CSMD2: variants seen among roughly 807,000 people sequenced by gnomAD.
CSMD2 encodes CUB and Sushi multiple domains 2.
Under a neutral mutation model 398.5 loss-of-function variants are expected in CSMD2, and 130 were observed. The observed-to-expected ratio is 0.33, with a 90% CI of 0.28 to 0.38. The LOEUF is 0.38. Among genes scored for constraint, CSMD2 ranks in the 10% least tolerant of loss-of-function variants. The pLI, the probability that CSMD2 is intolerant of heterozygous loss-of-function variation, is 1.00. For synonymous variants in CSMD2, 1,828 were observed against 1,908.5 expected (o/e 0.96, Z 1.10); for missense variants, 3,829 against 4,764.9 (o/e 0.80, Z 5.78).
intron 48 of CSMD2, among the ~76,000 whole-genome samples, chr1:33,579,264 G>A (rs974043851): frequency 5.3e-5 from 8 of 152,202 alleles, no homozygotes; most frequent in Non-Finnish European, 1.0e-4. Context: ...TCAGCCCTAA[G>A]AGGCACCTTA....
rs1380461895 is a variant in CSMD2 at position 33,760,022 on chromosome 1, T to C, written c.1846+12547A>G. ...AGCTCATTGGTAGGGGTCTGATGAT[T>C]GCTAAGTTCTTGCCCTCTATGGCTG... On this transcript the variant is annotated intron_variant, in intron 13 of 70. Coordinates refer to ENST00000373381, the MANE Select transcript of CSMD2 (RefSeq NM_001281956.2). Among the ~76,000 whole-genome samples the C allele has an allele frequency of 5.9e-5, 9 of 152,238 alleles. No individual in the cohort carries two copies. In the South Asian group the frequency reaches 1.7e-3, roughly 28 times the overall value.
chr1:33,806,322 T>C (rs1230586270), intron 10 of CSMD2, among the ~76,000 whole-genome samples: 1 of 152,180 alleles, frequency 6.6e-6, no homozygotes. Flanking sequence ...TCACATGGGT[T>C]TGCAGCCTTC....
Position 33,567,699 on chromosome 1 carries a change from C to A in CSMD2, c.8274G>T (p.Arg2758=). 1 of 1,614,102 alleles carries A rather than the reference C, an allele frequency of 6.2e-7. No individual in the cohort carries two copies. Among genetic ancestry groups the A allele is most frequent in the Non-Finnish European group, 8.5e-7 (1 of 1,180,022 alleles). Residue 2758 remains arginine (R), a synonymous_variant, in exon 53 of 71, where the codon CGG becomes CGT. Transcript: ENST00000373381. ...CATTGCATTGGTACACCACACTGCCCCGGTAGCTGTAGTTCTCCCCATTGA... is the reference window on the plus strand; with the variant it reads ...CATTGCATTGGTACACCACACTGCCACGGTAGCTGTAGTTCTCCCCATTGA... ...GHINGENYSY[R]GSVVYQCNAG...
intron 5 of CSMD2, among the ~76,000 whole-genome samples, chr1:33,881,061 C>T (rs771634341): frequency 1.6e-4 from 25 of 152,284 alleles, no homozygotes; most frequent in Non-Finnish European, 4.4e-5. Context: ...TTAATGACCT[C>T]GCTGGTAGGG....
Position 33,572,688 on chromosome 1 carries a change from A to G in CSMD2, c.7580T>C (p.Leu2527Pro). ...GGGGGCCTCAGGAAGCCCACAGGAAAGAGCTAGCAAAAGGAAAACAATGTC... is the reference window on the plus strand; with the variant it reads ...GGGGGCCTCAGGAAGCCCACAGGAAGGAGCTAGCAAAAGGAAAACAATGTC... ...WSEAIPLCQA[L>P]SCGLPEAPKN... Residue 2527 changes from leucine (L) to proline (P), a missense_variant, in exon 50 of 71, where the codon CTT becomes CCT. By Grantham distance (98) the Leu-to-Pro change is moderately conservative (BLOSUM62 -3). Transcript: ENST00000373381. The G allele has an allele frequency of 3.1e-6, 5 of 1,605,178 alleles. No individual in the cohort carries two copies. Among genetic ancestry groups the G allele is most frequent in the Non-Finnish European group, 4.3e-6 (5 of 1,173,718 alleles).
At chr1:33,887,300 A>G (rs960749981) in intron 5 of CSMD2, among the ~76,000 whole-genome samples, 1 of 152,182 alleles carries the variant, frequency 6.6e-6, no homozygotes. Flanking sequence ...TTTATAACAT[A>G]AACAACGAGG....
chr1:34,122,144 T>C (rs1196824321), intron 1 of CSMD2, among the ~76,000 whole-genome samples: 1 of 152,030 alleles, frequency 6.6e-6, no homozygotes, highest in Non-Finnish European at 1.5e-5. Context: ...CTGGAGACAT[T>C]TTTAATTATC....
intron 3 of CSMD2, among the ~76,000 whole-genome samples, chr1:34,002,443 C>T (rs547221261): frequency 8.1e-4 from 123 of 152,318 alleles, no homozygotes; most frequent in African/African-American, 2.8e-3. Flanking sequence ...TATTACTCTC[C>T]TGGTGCCTCA....
chr1:33,829,664 G>A (rs1437487806), intron 6 of CSMD2, among the ~76,000 whole-genome samples: 1 of 152,214 alleles, frequency 6.6e-6, no homozygotes, highest in Non-Finnish European at 1.5e-5. Context: ...GCGCAGGACA[G>A]TGGGTGCAGC....
At chr1:34,130,448 A>G (rs1263903660) in intron 1 of CSMD2, among the ~76,000 whole-genome samples, 1 of 150,732 alleles carries the variant, frequency 6.6e-6, no homozygotes, top group Non-Finnish European at 1.5e-5. Context: ...AGGCAAGTAC[A>G]CCTGGGGTAT....
chr1:33,694,128 C>T (rs1043040179), intron 24 of CSMD2, among the ~76,000 whole-genome samples: 7 of 152,142 alleles, frequency 4.6e-5, no homozygotes, highest in South Asian at 4.1e-4. Flanking sequence ...TATAGATGAA[C>T]GCTGAAAACA....
At position 33,605,167 on chromosome 1, in the gene CSMD2, C is replaced by A. The variant is rs544440339; in HGVS notation, c.6532+115G>T. The stretch of plus-strand genomic sequence containing the variant: ...GAAAACAGGATGGACCACAGTTTGC[C>A]TGGACCTCCAGCCCTGGAGATCCCA... On this transcript the variant is annotated intron_variant, in intron 42 of 70. Transcript: ENST00000373381. 2.2e-4 allele frequency: 227 copies of A among 1,018,330 alleles called. 1 individual carries two copies. The highest frequency in any genetic ancestry group is 2.9e-4 in the Non-Finnish European group (201 of 691,284). The allele number at this position is 1,018,330 out of a possible 1,614,324, so 63.1% of individuals were successfully genotyped here. A position where few individuals can be genotyped will look rare whatever the true frequency, so the allele number is the denominator to read the frequency against.
At chr1:33,739,355 G>C (rs769638021) in intron 14 of CSMD2, 21 bp from the exon 15 acceptor site, 2 of 1,584,424 alleles carry the variant, frequency 1.3e-6, no homozygotes, top group South Asian at 2.3e-5. Flanking sequence ...GGAGTTCAAG[G>C]ACATGATCAG....
chr1:33,981,290 C>T (rs1646157516), intron 3 of CSMD2, among the ~76,000 whole-genome samples: 2 of 152,170 alleles, frequency 1.3e-5, no homozygotes, highest in Admixed American at 6.5e-5. Context: ...CAGTCACAGC[C>T]CCAGCTGTTC....
At chr1:33,609,353 A>G (rs1223250466) in intron 41 of CSMD2, among the ~76,000 whole-genome samples, 1 of 152,222 alleles carries the variant, frequency 6.6e-6, no homozygotes, top group Non-Finnish European at 1.5e-5. Flanking sequence ...GAGGAGCTCC[A>G]TCCCCACCAT....
intron 2 of CSMD2, among the ~76,000 whole-genome samples, chr1:34,063,775 C>G (rs368578956): frequency 1.8e-4 from 28 of 152,318 alleles, no homozygotes; most frequent in African/African-American, 6.5e-4. Context: ...ATGGGTGCTC[C>G]GATCCCACAT....
intron 25 of CSMD2, among the ~76,000 whole-genome samples, chr1:33,671,779 G>C (rs1475024046): frequency 6.6e-6 from 1 of 152,194 alleles, no homozygotes; most frequent in African/African-American, 2.4e-5. Flanking sequence ...TGGGAGGACA[G>C]TGGATTTTCA....
chr1:33,977,653 T>C (rs2147942675), intron 3 of CSMD2, among the ~76,000 whole-genome samples: 1 of 151,934 alleles, frequency 6.6e-6, no homozygotes, highest in Middle Eastern at 3.4e-3. Flanking sequence ...TGAGCTGTGC[T>C]CTTGCCAGCT....
chr1:33,922,537 G>A (rs1216146311), intron 4 of CSMD2, among the ~76,000 whole-genome samples: 1 of 152,158 alleles, frequency 6.6e-6, no homozygotes, highest in Non-Finnish European at 1.5e-5. Flanking sequence ...AGAGCCTTCT[G>A]CCTACTTCCA....
Sources: gnomAD v4.1 joint callset for allele counts (sites outside exome capture counted in the v4.1 genomes callset) on GRCh38, gnomAD v4.1.1 for gene constraint, MANE v1.5 for transcripts, NCBI Gene and HGNC (gene_info 2026-07-23, HGNC 2026-07-21) for gene names.